PCDH15: variants seen among roughly 807,000 people sequenced by gnomAD.
PCDH15 encodes the protein protocadherin-15.
PCDH15 carries 129 observed loss-of-function variants against 178.5 expected under a neutral mutation model. That is an observed-to-expected ratio of 0.72 (90% confidence interval 0.63 to 0.84). The LOEUF (loss-of-function observed/expected upper bound fraction) is 0.84, where lower values mean the gene tolerates loss of function less well. Ranked by LOEUF, PCDH15 falls within the 40% of genes least tolerant of loss-of-function variation. The pLI is 0.00. For synonymous variants in PCDH15, 800 were observed against 732.0 expected, an observed-to-expected ratio of 1.09 and a Z score of -1.50; for missense variants, 2,230 against 2,099.9, an observed-to-expected ratio of 1.06 and a Z score of -1.21.
intron 2 of PCDH15, among the ~76,000 whole-genome samples, chr10:55,365,927 C>T (rs75362817): frequency 0.011 from 1,625 of 152,174 alleles, 35 homozygotes; most frequent in African/African-American, 0.037. Flanking sequence ...TCCCTTTCCA[C>T]TCCTTAGATT....
At chr10:54,629,223 T>TA (rs970498109) in intron 2 of PCDH15, among the ~76,000 whole-genome samples, 1 of 152,212 alleles carries the variant, frequency 6.6e-6, no homozygotes, top group African/African-American at 2.4e-5. Context: ...GGCAATTACT[T>TA]AAAAAAAGTT....
At chr10:54,069,953 T>C (rs1037330816) in intron 17 of PCDH15, among the ~76,000 whole-genome samples, 1 of 152,136 alleles carries the variant, frequency 6.6e-6, no homozygotes, top group Non-Finnish European at 1.5e-5. Flanking sequence ...CTCAAACTAA[T>C]AAACCTAATA....
At chr10:54,402,668 G>C (rs1437888371) in intron 3 of PCDH15, among the ~76,000 whole-genome samples, 3 of 151,816 alleles carry the variant, frequency 2.0e-5, no homozygotes, top group African/African-American at 2.4e-5. Flanking sequence ...ATGATTATCT[G>C]TAATCAGTGG....
intron 1 of PCDH15, among the ~76,000 whole-genome samples, chr10:54,689,450 G>A (rs1035796329): frequency 1.3e-5 from 2 of 152,040 alleles, no homozygotes; most frequent in Non-Finnish European, 2.9e-5. Context: ...ATATAAAATG[G>A]TAGAAAAATT....
At chr10:55,450,644 T>C (rs1839414302) in intron 2 of PCDH15, among the ~76,000 whole-genome samples, 1 of 152,198 alleles carries the variant, frequency 6.6e-6, no homozygotes, top group East Asian at 1.9e-4. Context: ...TTGTATAGTC[T>C]TGATATGGTC....
rs537851154 is a variant in PCDH15, at chr10:55,190,903, A to AT, written c.-155-24253dup. On this transcript the variant is annotated intron_variant, in intron 1 of 5. Transcript: ENST00000458638. ...CTTTTAAAATCAAACCAAATTCATTATTTTTTTTTGACATTAACAGAAATG... is the reference window on the plus strand; with the variant it reads ...CTTTTAAAATCAAACCAAATTCATTATTTTTTTTTTGACATTAACAGAAATG... Among the ~76,000 whole-genome samples the AT allele has an allele frequency of 7.3e-3, 1,101 of 150,528 alleles. 24 individuals carry two copies. Among genetic ancestry groups the AT allele is most frequent in the African/African-American group, 0.024 (1,001 of 41,098 alleles).
intron 25 of PCDH15, among the ~76,000 whole-genome samples, chr10:53,934,513 G>A (rs575926035): frequency 2.0e-5 from 3 of 151,936 alleles, no homozygotes; most frequent in Non-Finnish European, 4.4e-5. Flanking sequence ...CAGGAGAATG[G>A]TGTGAACCCA....
At chr10:54,452,121 T>C (rs942874927) in intron 3 of PCDH15, among the ~76,000 whole-genome samples, 46 of 152,064 alleles carry the variant, frequency 3.0e-4, no homozygotes, top group Non-Finnish European at 2.4e-4. Context: ...TTCTGATTAG[T>C]GAAGAAAAGC....
rs1315291067 is a variant in PCDH15 at position 54,195,848 on chromosome 10, A to G, written c.1140T>C (p.Gly380=). Residue 380 remains glycine, a synonymous_variant, in exon 11 of 38, where the codon GGT becomes GGC. Transcript: ENST00000644397. ...DNGHPLPAFA[G]LHIEILDENN... is the part of the protein sequence containing the mutation. ...TTTCATCCAGTATTTCAATGTGTAG[A>G]CCGGCAAAGGCAGGAAGAGGATGAC... is the stretch of plus-strand genomic sequence containing the variant. 4 of 1,614,054 alleles carry G rather than the reference A, an allele frequency of 2.5e-6. No individual in the cohort carries two copies. The East Asian group carries it at 8.9e-5, about 36-fold the overall frequency.
rs1591726182 is a variant in PCDH15, at chr10:54,829,271, T to A, written c.-29+68179A>T. On this transcript the variant is annotated intron_variant, in intron 3 of 5. Coordinates refer to the PCDH15 transcript ENST00000458638. ...GGAAGCAGAGAGACTAGATGAGAGG[T>A]CAGTTAGTAACCTAGATTCTCATTC... 2.0e-5 allele frequency among the ~76,000 whole-genome samples: 3 copies of A among 151,954 alleles called. 1 individual carries two copies. The highest frequency in any genetic ancestry group is 2.0e-4 in the Admixed American group (3 of 15,198).
intron 3 of PCDH15, among the ~76,000 whole-genome samples, chr10:54,462,290 A>T (rs896975850): frequency 7.1e-6 from 1 of 141,044 alleles, no homozygotes; most frequent in African/African-American, 2.9e-5. Context: ...GGAAGGAAAC[A>T]CACACACACA....
intron 1 of PCDH15, among the ~76,000 whole-genome samples, chr10:54,684,129 T>C (rs1382946522): frequency 6.6e-6 from 1 of 151,994 alleles, no homozygotes; most frequent in East Asian, 1.9e-4. Context: ...TTATTGTATA[T>C]AACAATTATA....
chr10:54,245,777 A>G (rs2055859644), intron 8 of PCDH15, among the ~76,000 whole-genome samples: 1 of 152,050 alleles, frequency 6.6e-6, no homozygotes, highest in South Asian at 2.1e-4. Context: ...AGGTTTGACA[A>G]TATGTATAGT....
intron 1 of PCDH15, among the ~76,000 whole-genome samples, chr10:54,784,604 T>TGGGAAAAAGGCAATATATA (rs1566242469): frequency 6.6e-6 from 1 of 151,818 alleles, no homozygotes; most frequent in African/African-American, 2.4e-5. Flanking sequence ...AAATAAATGC[T>TGGGAAAAAGGCAATATATA]TAAGGGAGTC....
chr10:54,786,607 T>C (rs1416964664), intron 1 of PCDH15, among the ~76,000 whole-genome samples: 1 of 151,960 alleles, frequency 6.6e-6, no homozygotes, highest in Non-Finnish European at 1.5e-5. Flanking sequence ...GTCAGTACTG[T>C]TGGGAATATA....
intron 1 of PCDH15, among the ~76,000 whole-genome samples, chr10:55,240,712 T>C (rs146975943): frequency 6.6e-6 from 1 of 152,316 alleles, no homozygotes; most frequent in East Asian, 1.9e-4. Flanking sequence ...AGCTCTTGCA[T>C]TTTTAACATG....
chr10:55,210,377 A>T (rs887675765), intron 1 of PCDH15, among the ~76,000 whole-genome samples: 17 of 151,966 alleles, frequency 1.1e-4, no homozygotes, highest in Admixed American at 1.0e-3. Flanking sequence ...ACATATGTTA[A>T]TTTTTTTGAA....
chr10:55,065,356 C>T (rs1405636595), intron 2 of PCDH15, among the ~76,000 whole-genome samples: 1 of 151,954 alleles, frequency 6.6e-6, no homozygotes, highest in Non-Finnish European at 1.5e-5. Flanking sequence ...CCCTTTCCCC[C>T]AGTTATGGTA....
chr10:55,326,251 A>G (rs1467945901), intron 2 of PCDH15, among the ~76,000 whole-genome samples: 1 of 152,182 alleles, frequency 6.6e-6, no homozygotes, highest in East Asian at 1.9e-4. Flanking sequence ...CCAAAGGGAT[A>G]TTAATTATTC....
Sources: gnomAD v4.1 joint callset for allele counts (sites outside exome capture counted in the v4.1 genomes callset) on GRCh38, gnomAD v4.1.1 for gene constraint, MANE v1.5 for transcripts, NCBI Gene and HGNC (gene_info 2026-07-23, HGNC 2026-07-21) for gene names.